ERCC6L2: variants seen among roughly 807,000 people sequenced by gnomAD.
ERCC6L2 encodes the protein DNA excision repair protein ERCC-6-like 2.
A neutral mutation model predicts 132.0 loss-of-function variants in ERCC6L2; 77 were observed. That is an observed-to-expected ratio of 0.58 (90% CI 0.49 to 0.71). The LOEUF (loss-of-function observed/expected upper bound fraction) is 0.71. ERCC6L2 is among the 30% of genes least tolerant of loss of function. The probability of loss-of-function intolerance (pLI) is 0.00; values close to 1 mark genes in which losing one functional copy is unlikely to be tolerated. For synonymous variants in ERCC6L2, 583 were observed against 632.4 expected, an observed-to-expected ratio of 0.92 and a Z score of 1.17; for missense variants, 1,542 against 1,837.6, an observed-to-expected ratio of 0.84 and a Z score of 2.94.
At chr9:95,920,890 C>T (rs1346255878) in intron 6 of ERCC6L2, among the ~76,000 whole-genome samples, 9 of 152,178 alleles carry the variant, frequency 5.9e-5, no homozygotes, top group Non-Finnish European at 1.3e-4. Context: ...GATTCTCCTG[C>T]CTCAGCCTCC....
intron 17 of ERCC6L2, among the ~76,000 whole-genome samples, chr9:95,992,994 A>C (rs2133164045): frequency 6.6e-6 from 1 of 152,358 alleles, no homozygotes; most frequent in South Asian, 2.1e-4. Flanking sequence ...AACTTAGTAC[A>C]TACAGAGATT....
rs1229734015 is a variant in ERCC6L2, at chr9:95,906,717, A to T, written c.595-361A>T. ...GAACACGTGGCCTGCTTGTGTATGT[A>T]CATTACCCACTTGGCCTTTGAAGCT... On this transcript the variant is annotated intron_variant, in intron 3 of 18. Transcript: ENST00000653738. The T allele has an allele frequency of 6.5e-6, 3 of 461,488 alleles. No individual in the cohort carries two copies. In the Admixed American group the frequency reaches 7.0e-5, roughly 11 times the overall value. 28.6% of individuals were successfully genotyped at this position (461,488 alleles called of 1,614,324 possible).
intron 12 of ERCC6L2, among the ~76,000 whole-genome samples, chr9:95,945,453 C>T (rs1587952973): frequency 6.6e-6 from 1 of 152,116 alleles, no homozygotes; most frequent in Admixed American, 6.5e-5. Context: ...GGTCCTGAGG[C>T]AACACTCATC....
intron 9 of ERCC6L2, 117 bp from the exon 10 acceptor site, chr9:95,927,958 AAATG>A (rs1830171657): frequency 3.3e-6 from 2 of 604,824 alleles, no homozygotes; most frequent in Non-Finnish European, 5.7e-6. Context: ...GAATTAGAAA[AAATG>A]AATGAGGTTA....
At chr9:95,919,470 A>C (rs772989697) in intron 6 of ERCC6L2, among the ~76,000 whole-genome samples, 1 of 152,158 alleles carries the variant, frequency 6.6e-6, no homozygotes, top group Non-Finnish European at 1.5e-5. Flanking sequence ...CATGAGTTCA[A>C]CATCAAAGGC....
chr9:95,955,219 TTCAG>T (rs1243812614), intron 12 of ERCC6L2, among the ~76,000 whole-genome samples: 1 of 152,192 alleles, frequency 6.6e-6, no homozygotes, highest in East Asian at 1.9e-4. Flanking sequence ...AACTGAGTGA[TTCAG>T]TCAGATCCAC....
chr9:95,946,950 G>C (rs991627850), intron 12 of ERCC6L2, among the ~76,000 whole-genome samples: 5 of 152,140 alleles, frequency 3.3e-5, no homozygotes, highest in African/African-American at 1.2e-4. Flanking sequence ...CTGCTTACTG[G>C]CCATTCCCCT....
At position 95,928,770 on chromosome 9, in the gene ERCC6L2, C is replaced by A. The variant is rs771482631; in HGVS notation, c.1657C>A (p.Arg553=). Residue 553 remains arginine (R), a synonymous_variant, in exon 11 of 19, where the codon CGA becomes AGA. Coordinates refer to ENST00000653738, the MANE Select transcript of ERCC6L2 (RefSeq NM_020207.7). ...TATGGCGTCTGGGCTTGATTACCGA[C>A]GACTTGATGGAAGTACAAAATCAGA... ...YCMASGLDYR[R]LDGSTKSEER... is the part of the protein sequence containing the mutation. 1 of 1,613,206 alleles carries A rather than the reference C, an allele frequency of 6.2e-7. No individual in the cohort carries two copies. Among genetic ancestry groups the A allele is most frequent in the Non-Finnish European group, 8.5e-7 (1 of 1,179,574 alleles).
chr9:95,915,511 C>T (rs897905135), intron 4 of ERCC6L2, among the ~76,000 whole-genome samples, 157 bp from the exon 5 acceptor site: 4 of 151,954 alleles, frequency 2.6e-5, no homozygotes, highest in African/African-American at 4.8e-5. Flanking sequence ...AAGGGTGTGA[C>T]CATTTAACTA....
intron 17 of ERCC6L2, among the ~76,000 whole-genome samples, chr9:95,981,914 C>G (rs1017593301): frequency 6.6e-6 from 1 of 152,162 alleles, no homozygotes; most frequent in Non-Finnish European, 1.5e-5. Context: ...GTATTCTCCC[C>G]TCAGTTTCCT....
At chr9:96,028,960 A>G (rs776984056) in intron 19 of ERCC6L2, among the ~76,000 whole-genome samples, 5 of 152,200 alleles carry the variant, frequency 3.3e-5, no homozygotes, top group Non-Finnish European at 7.3e-5. Context: ...CACAATTTGA[A>G]TTCATTCATA....
chr9:95,991,845 C>CA (rs1833313188), intron 17 of ERCC6L2, among the ~76,000 whole-genome samples: 1 of 152,014 alleles, frequency 6.6e-6, no homozygotes, highest in Non-Finnish European at 1.5e-5. Flanking sequence ...AAGATTTACC[C>CA]AAAGTTCAAG....
At position 95,963,879 on chromosome 9, in the gene ERCC6L2, A is replaced by G. The variant is rs367918606; in HGVS notation, c.1948-2683A>G. ...CATGATACTGTGCTCTTCTCGTTGCATCAGTCAGAAGGCACATGGGGGTGA... is the reference window on the plus strand; with the variant it reads ...CATGATACTGTGCTCTTCTCGTTGCGTCAGTCAGAAGGCACATGGGGGTGA... On this transcript the variant is annotated intron_variant, in intron 13 of 18. Transcript: ENST00000653738. Among the ~76,000 whole-genome samples, 23 of 152,282 alleles carry G rather than the reference A, an allele frequency of 1.5e-4. No individual in the cohort carries two copies. The East Asian group carries it at 2.9e-3, about 19-fold the overall frequency.
chr9:95,875,863 A>G lies in ERCC6L2; in HGVS notation c.-176A>G, dbSNP rs868399208. On this transcript the variant is annotated 5_prime_UTR_variant, in exon 1 of 19. Transcript: ENST00000653738. ...TTCTGCTTGGGTCCCCTTAGTCGCTACCTTTGCTGGGATCCCCCTCCTCCA... is the reference window on the plus strand; with the variant it reads ...TTCTGCTTGGGTCCCCTTAGTCGCTGCCTTTGCTGGGATCCCCCTCCTCCA... The G allele has an allele frequency of 6.1e-5, 39 of 639,660 alleles. No individual in the cohort carries two copies. Among genetic ancestry groups the G allele is most frequent in the African/African-American group, 4.7e-4 (26 of 54,848 alleles). The allele number at this position is 639,660 out of a possible 1,614,324, so 39.6% of individuals were successfully genotyped here.
chr9:95,901,142 ATAGGCT>A (rs1422050641), intron 3 of ERCC6L2, among the ~76,000 whole-genome samples: 1 of 152,102 alleles, frequency 6.6e-6, no homozygotes, highest in Non-Finnish European at 1.5e-5. Context: ...TTGATTATCC[ATAGGCT>A]TATCTGCCTA....
At chr9:96,027,569 G>C (rs956269251) in intron 19 of ERCC6L2, 1 of 152,166 alleles carries the variant, frequency 6.6e-6, no homozygotes, top group Non-Finnish European at 1.5e-5. Flanking sequence ...CCCTGCGCCG[G>C]CCGGGCGGGT....
chr9:95,965,578 G>C (rs948070526), intron 13 of ERCC6L2, among the ~76,000 whole-genome samples: 5 of 151,946 alleles, frequency 3.3e-5, no homozygotes, highest in African/African-American at 4.8e-5. Flanking sequence ...GCGCCACCTC[G>C]GGTTGCTTGC....
At chr9:95,916,884 C>T (rs1159930318) in intron 6 of ERCC6L2, among the ~76,000 whole-genome samples, 1 of 151,964 alleles carries the variant, frequency 6.6e-6, no homozygotes, top group Non-Finnish European at 1.5e-5. Context: ...AGGGTTTCGC[C>T]ATGTTGTCTA....
chr9:95,902,955 AT>A (rs1828852670), intron 3 of ERCC6L2, among the ~76,000 whole-genome samples: 2 of 151,962 alleles, frequency 1.3e-5, no homozygotes, highest in African/African-American at 4.8e-5. Flanking sequence ...GCTTTGAATT[AT>A]TTATTGATTT....
Sources: allele counts gnomAD v4.1 joint callset (sites outside exome capture counted in the v4.1 genomes callset), GRCh38; gene constraint gnomAD v4.1.1; transcripts MANE v1.5; gene names NCBI Gene and HGNC (gene_info 2026-07-23, HGNC 2026-07-21).